NSRP1: variants seen among roughly 807,000 people sequenced by gnomAD.
NSRP1 encodes the protein coiled-coil domain containing 55.
A neutral mutation model predicts 54.7 loss-of-function variants in NSRP1; 24 were observed. That is an observed-to-expected ratio of 0.44 (90% CI 0.32 to 0.62). The LOEUF is 0.62. Ranked by LOEUF, NSRP1 falls within the 20% of genes least tolerant of loss-of-function variation. The pLI, the probability that NSRP1 is intolerant of heterozygous loss-of-function variation, is 0.06. For missense variants in NSRP1, 596 were observed against 651.2 expected, an observed-to-expected ratio of 0.92 and a Z score of 0.92; for synonymous variants, 210 against 213.8, an observed-to-expected ratio of 0.98 and a Z score of 0.15.
chr17:30,167,810 A>G (rs572352112), intron 2 of NSRP1, among the ~76,000 whole-genome samples: 1 of 152,280 alleles, frequency 6.6e-6, no homozygotes, highest in Non-Finnish European at 1.5e-5. Flanking sequence ...ATCAAATACT[A>G]AATAGACTCG....
chr17:30,180,984 G>A lies in NSRP1; in HGVS notation c.585G>A (p.Glu195=). 6.2e-7 allele frequency: 1 copy of A among 1,612,904 alleles called. No individual in the cohort carries two copies. The highest frequency in any genetic ancestry group is 8.5e-7 in the Non-Finnish European group (1 of 1,179,012). The stretch of plus-strand genomic sequence containing the variant: ...TATTAAATCAAGCAGTTGGTGAAGA[G>A]GAAGTACCTAAATGCAGCTTTCGTG... ...RHLLNQAVGE[E]EVPKCSFREA... The change falls in exon 6 of 7, where the codon GAG becomes GAA. Residue 195 remains glutamate (E), a synonymous_variant. Coordinates refer to ENST00000247026, the MANE Select transcript of NSRP1 (RefSeq NM_032141.4).
At chr17:30,171,714 C>G (rs2143008298) in intron 2 of NSRP1, among the ~76,000 whole-genome samples, 1 of 152,228 alleles carries the variant, frequency 6.6e-6, no homozygotes, top group African/African-American at 2.4e-5. Flanking sequence ...CTTGCTTTTT[C>G]ACTATCCTCA....
intron 1 of NSRP1, chr17:30,117,555 C>T: frequency 2.5e-6 from 1 of 395,036 alleles, no homozygotes; most frequent in Non-Finnish European, 4.5e-6. Flanking sequence ...AAGTGTAATG[C>T]GAACTTGCCC....
At chr17:30,173,060 T>C (rs1421383989) in intron 3 of NSRP1, among the ~76,000 whole-genome samples, 3 of 151,650 alleles carry the variant, frequency 2.0e-5, no homozygotes, top group African/African-American at 7.3e-5. Context: ...ATCTCCTGGG[T>C]TCAGGCAATT....
At chr17:30,180,362 G>A (rs535027048) in intron 5 of NSRP1, among the ~76,000 whole-genome samples, 24 of 151,120 alleles carry the variant, frequency 1.6e-4, no homozygotes, top group Non-Finnish European at 2.4e-4. Context: ...TACCATGTTG[G>A]CCAGGTTGGT....
At chr17:30,157,277 T>G (rs1259864445) in intron 2 of NSRP1, among the ~76,000 whole-genome samples, 1 of 152,194 alleles carries the variant, frequency 6.6e-6, no homozygotes, top group Admixed American at 6.5e-5. Context: ...TGTTGGCTAC[T>G]CATATGTATT....
chr17:30,185,376 C>G lies in NSRP1; in HGVS notation c.1379C>G (p.Ser460Cys). The G allele has an allele frequency of 6.2e-7, 1 of 1,612,422 alleles. No individual in the cohort carries two copies. The highest frequency in any genetic ancestry group is 1.7e-5 in the Admixed American group (1 of 59,752). Residue 460 changes from serine (S) to cysteine (C), a missense_variant, in exon 7 of 7, where the codon TCT becomes TGT. By Grantham distance (112) the Ser-to-Cys change is moderately radical. Coordinates refer to ENST00000247026, the MANE Select transcript of NSRP1 (RefSeq NM_032141.4). Reference protein sequence around the residue: ...NQDRKESSPNSRAKDKFLDQE... With the variant: ...NQDRKESSPNCRAKDKFLDQE... ...GACAGAAAGGAAAGCAGCCCAAATT[C>G]TAGGGCAAAGGATAAATTTCTTGAC...
intron 2 of NSRP1, chr17:30,128,243 C>A: frequency 6.5e-6 from 1 of 152,890 alleles, no homozygotes; most frequent in Non-Finnish European, 1.4e-5. Flanking sequence ...ATAGGTTAAG[C>A]ATTTATAGAA....
intron 2 of NSRP1, among the ~76,000 whole-genome samples, chr17:30,137,521 G>A (rs1029912665): frequency 1.3e-5 from 2 of 152,208 alleles, no homozygotes; most frequent in African/African-American, 4.8e-5. Context: ...GTCCTAGAAT[G>A]AAGACAGTGA....
chr17:30,152,128 ATT>A (rs917535560), intron 2 of NSRP1, among the ~76,000 whole-genome samples: 1 of 133,886 alleles, frequency 7.5e-6, no homozygotes, highest in South Asian at 2.3e-4. Context: ...ATTTGAAATA[ATT>A]TTTTTTTTTT....
At chr17:30,141,919 G>A (rs1348236064) in intron 2 of NSRP1, among the ~76,000 whole-genome samples, 3 of 152,198 alleles carry the variant, frequency 2.0e-5, no homozygotes, top group Non-Finnish European at 2.9e-5. Context: ...TGGGAGGATC[G>A]CTTGAGCCCA....
At chr17:30,163,676 CCACTTTTTTTTT>C (rs1266650181) in intron 2 of NSRP1, among the ~76,000 whole-genome samples, 23 of 142,526 alleles carry the variant, frequency 1.6e-4, no homozygotes, top group African/African-American at 5.4e-4. Flanking sequence ...TATACTTTGA[CCACTTTTTTTTT>C]TTTTTTTTTT....
Position 30,179,284 on chromosome 17 carries a change from T to C in NSRP1, c.495T>C (p.Ala165=). The change falls in exon 5 of 7, where the codon GCT becomes GCC. Residue 165 remains alanine, a synonymous_variant. Transcript: ENST00000247026. ...RAEEEEREKR[A]AALEACLDVT... ...AAGAAGAAGAAAGAGAAAAGAGGGC[T>C]GCTGCACTGGAAGGTAAAATGAAAG... 1 of 1,573,370 alleles carries C rather than the reference T, an allele frequency of 6.4e-7. No individual in the cohort carries two copies. The highest frequency in any genetic ancestry group is 8.6e-7 in the Non-Finnish European group (1 of 1,160,014).
At chr17:30,128,563 G>A (rs543160058) in intron 2 of NSRP1, among the ~76,000 whole-genome samples, 46 of 152,106 alleles carry the variant, frequency 3.0e-4, no homozygotes, top group Non-Finnish European at 5.7e-4. Context: ...TCTTTTAAAA[G>A]TTGACTATTG....
intron 2 of NSRP1, among the ~76,000 whole-genome samples, chr17:30,143,456 T>C (rs184225790): frequency 5.9e-5 from 9 of 152,302 alleles, no homozygotes; most frequent in Admixed American, 5.9e-4. Flanking sequence ...CCTGCACACC[T>C]GACTTGGTCA....
At chr17:30,153,626 T>C (rs1001589937) in intron 2 of NSRP1, among the ~76,000 whole-genome samples, 4 of 152,086 alleles carry the variant, frequency 2.6e-5, no homozygotes, top group African/African-American at 7.2e-5. Flanking sequence ...TTGGCATCCT[T>C]TTTTAAAATA....
intron 2 of NSRP1, among the ~76,000 whole-genome samples, chr17:30,149,393 A>G (rs78295613): frequency 5.3e-4 from 81 of 152,298 alleles, no homozygotes; most frequent in South Asian, 2.3e-3. Flanking sequence ...ACCAAAGAAC[A>G]TAAGATTATC....
chr17:30,171,934 T>TCA (rs746244255), intron 2 of NSRP1, among the ~76,000 whole-genome samples: 30,669 of 113,214 alleles, frequency 0.27, 3,783 homozygotes, highest in African/African-American at 0.29. Flanking sequence ...TCCCCATTTC[T>TCA]CACACACACA....
intron 2 of NSRP1, among the ~76,000 whole-genome samples, chr17:30,133,801 T>A (rs900320556): frequency 1.2e-4 from 18 of 152,226 alleles, no homozygotes; most frequent in African/African-American, 4.1e-4. Flanking sequence ...TAGTTTGATC[T>A]TCTCTTCAGA....
Sources: allele counts gnomAD v4.1 joint callset (sites outside exome capture counted in the v4.1 genomes callset), GRCh38; gene constraint gnomAD v4.1.1; transcripts MANE v1.5; gene names NCBI Gene and HGNC (gene_info 2026-07-23, HGNC 2026-07-21).